Variants in CDH11 observed in about 807,000 individuals in gnomAD.
CDH11 encodes cadherin 11.
A neutral mutation model predicts 67.8 loss-of-function variants in CDH11; 11 were observed. The observed-to-expected ratio is 0.16, with a 90% CI of 0.10 to 0.27. The LOEUF (loss-of-function observed/expected upper bound fraction) is 0.27, where lower values mean the gene tolerates loss of function less well. Among genes scored for constraint, CDH11 ranks in the 10% least tolerant of loss-of-function variants. CDH11 has a pLI of 1.00. For synonymous variants in CDH11, 419 were observed against 400.0 expected, an observed-to-expected ratio of 1.05 and a Z score of -0.57; for missense variants, 847 against 1,031.2, an observed-to-expected ratio of 0.82 and a Z score of 2.45.
chr16:65,061,235 A>C (rs1311271096), intron 1 of CDH11, among the ~76,000 whole-genome samples: 4 of 152,258 alleles, frequency 2.6e-5, no homozygotes, highest in Non-Finnish European at 5.9e-5. Flanking sequence ...TGTTTGTCCC[A>C]GGTCAGTACA....
At position 64,946,164 on chromosome 16, in the gene CDH11, G is replaced by T. The variant is rs139754214; in HGVS notation, c.*1439C>A. Reference sequence around the variant, plus strand: ...TAAACAAAGCTTTTTTAAATGAATCGCCCATTCTCATTAAAACATAAAATG... The same window carrying T: ...TAAACAAAGCTTTTTTAAATGAATCTCCCATTCTCATTAAAACATAAAATG... On this transcript the variant is annotated 3_prime_UTR_variant, in exon 13 of 13. Coordinates refer to ENST00000268603, the MANE Select transcript of CDH11 (RefSeq NM_001797.4). The T allele has an allele frequency of 6.7e-6, 7 of 1,052,510 alleles. No individual in the cohort carries two copies. The African/African-American group carries it at 8.3e-5, about 12-fold the overall frequency. 65.2% of individuals were successfully genotyped at this position (1,052,510 alleles called of 1,614,324 possible). A position where few individuals can be genotyped will look rare whatever the true frequency, so the allele number is the denominator to read the frequency against.
intron 12 of CDH11, chr16:64,948,672 C>A (rs749121210): frequency 6.2e-7 from 1 of 1,610,394 alleles, no homozygotes; most frequent in South Asian, 1.1e-5. Context: ...TAAAGACCCC[C>A]AGAAGACAAA....
At chr16:65,007,140 T>C (rs2073074595) in intron 2 of CDH11, 1 of 152,210 alleles carries the variant, frequency 6.6e-6, no homozygotes, top group Middle Eastern at 3.2e-3. Flanking sequence ...GGTGAAATTA[T>C]AATTTGTAGA....
chr16:65,113,603 G>A (rs1461957706), intron 1 of CDH11, among the ~76,000 whole-genome samples: 2 of 152,148 alleles, frequency 1.3e-5, no homozygotes, highest in Non-Finnish European at 2.9e-5. Flanking sequence ...AAGATGCCAC[G>A]TGGTAAAGCG....
In CDH11 at chr16:65,053,063, G is replaced by A. The variant is rs539919214; in HGVS notation, c.-173+741C>T. ...CTGGACATCTACATGGAGACGAGCC[G>A]TAGGCACTTGGATAAGAAGGTCTAG... On this transcript the variant is annotated intron_variant, in intron 2 of 12. Coordinates refer to ENST00000268603, the MANE Select transcript of CDH11 (RefSeq NM_001797.4). Among the ~76,000 whole-genome samples the A allele has an allele frequency of 8.5e-5, 13 of 152,264 alleles. No homozygotes were observed. In the South Asian group the frequency reaches 1.0e-3, roughly 12 times the overall value.
In CDH11 at chr16:65,005,450, T is replaced by C. The variant is rs550978883; in HGVS notation, c.-172-409A>G. ...GGACAGATGGCTGGACTCAATCCTT[T>C]AGTGAGGTTGCTGTAATAAGAAAGG... On this transcript the variant is annotated intron_variant, in intron 2 of 12. Coordinates refer to ENST00000268603, the MANE Select transcript of CDH11 (RefSeq NM_001797.4). Among the ~76,000 whole-genome samples, 5 of 152,282 alleles carry C rather than the reference T, an allele frequency of 3.3e-5. 1 individual carries two copies. The highest frequency in any genetic ancestry group is 1.2e-4 in the African/African-American group (5 of 41,566).
chr16:64,948,301 A>G (rs2071248713), intron 12 of CDH11, among the ~76,000 whole-genome samples: 1 of 152,216 alleles, frequency 6.6e-6, no homozygotes, highest in Admixed American at 6.5e-5. Context: ...AAATGCTGCC[A>G]TGAAAACATT....
rs571311254 is a variant in CDH11, at chr16:64,958,423, A to G, written c.1643-7405T>C. Among the ~76,000 whole-genome samples the G allele has an allele frequency of 2.0e-5, 3 of 152,300 alleles. No individual in the cohort carries two copies. In the South Asian group the frequency reaches 6.2e-4, roughly 32 times the overall value. On this transcript the variant is annotated intron_variant, in intron 11 of 12. Coordinates refer to ENST00000268603, the MANE Select transcript of CDH11 (RefSeq NM_001797.4). Reference sequence around the variant, plus strand: ...TATTCTGTTATTATTATTTAAATTGAAGCAAATTTAACTAAGCAACATTGA... The same window carrying G: ...TATTCTGTTATTATTATTTAAATTGGAGCAAATTTAACTAAGCAACATTGA...
At chr16:65,100,944 G>A (rs534934921) in intron 1 of CDH11, among the ~76,000 whole-genome samples, 1 of 152,078 alleles carries the variant, frequency 6.6e-6, no homozygotes, top group Admixed American at 6.5e-5. Context: ...TATCAAGGGA[G>A]CAGTTCTGAT....
intron 1 of CDH11, among the ~76,000 whole-genome samples, chr16:65,108,345 C>T (rs2075100696): frequency 6.6e-6 from 1 of 152,114 alleles, no homozygotes; most frequent in Non-Finnish European, 1.5e-5. Flanking sequence ...CAAGAATCAC[C>T]AATGCATTAG....
chr16:65,028,907 G>T (rs2073585014), intron 2 of CDH11, among the ~76,000 whole-genome samples: 1 of 152,114 alleles, frequency 6.6e-6, no homozygotes, highest in Non-Finnish European at 1.5e-5. Flanking sequence ...AGGGTAGAAG[G>T]GTGGTTGCCA....
intron 2 of CDH11, among the ~76,000 whole-genome samples, chr16:65,028,414 T>C (rs1322744866): frequency 6.6e-6 from 1 of 152,022 alleles, no homozygotes; most frequent in African/African-American, 2.4e-5. Flanking sequence ...AGATGGATAT[T>C]TTTTGGACTG....
chr16:65,015,782 A>C (rs2073293701), intron 2 of CDH11, among the ~76,000 whole-genome samples: 1 of 152,198 alleles, frequency 6.6e-6, no homozygotes, highest in Admixed American at 6.5e-5. Flanking sequence ...TGTAAGGTAT[A>C]AACAATGAGA....
chr16:65,042,938 A>G (rs1180637411), intron 2 of CDH11, among the ~76,000 whole-genome samples: 3 of 152,124 alleles, frequency 2.0e-5, no homozygotes, highest in African/African-American at 7.2e-5. Flanking sequence ...CCTTTCAGAC[A>G]CTGCTACTGA....
At position 64,982,128 on chromosome 16, in the gene CDH11, T is replaced by C. The variant is rs750088925; in HGVS notation, c.1173A>G (p.Glu391=). 1 of 1,614,028 alleles carries C rather than the reference T, an allele frequency of 6.2e-7. No individual in the cohort carries two copies. Among genetic ancestry groups the C allele is most frequent in the Non-Finnish European group, 8.5e-7 (1 of 1,179,952 alleles). ...TGCCAGCAGCTGCATTTTCTTGGACTTCGTGGATGTAACTTGGGGCCAAGA... is the reference window on the plus strand; with the variant it reads ...TGCCAGCAGCTGCATTTTCTTGGACCTCGTGGATGTAACTTGGGGCCAAGA... ...PMFLAPSYIH[E]VQENAAAGTV... The change falls in exon 8 of 13, where the codon GAA becomes GAG. Residue 391 remains glutamate, a synonymous_variant. Transcript: ENST00000268603.
At chr16:64,953,790 T>TC (rs1276542159) in intron 11 of CDH11, among the ~76,000 whole-genome samples, 1 of 152,310 alleles carries the variant, frequency 6.6e-6, no homozygotes, top group African/African-American at 2.4e-5. Context: ...ATCTGAAATG[T>TC]CCATGTCATC....
chr16:64,967,688 T>C (rs754981038), intron 11 of CDH11, among the ~76,000 whole-genome samples: 14 of 152,090 alleles, frequency 9.2e-5, no homozygotes, highest in Non-Finnish European at 1.9e-4. Flanking sequence ...CAGTTGCTTT[T>C]CTTTTTTTTT....
intron 4 of CDH11, among the ~76,000 whole-genome samples, chr16:64,998,108 C>T (rs562570082): frequency 3.3e-5 from 5 of 152,276 alleles, no homozygotes; most frequent in African/African-American, 1.2e-4. Flanking sequence ...TGACATAGTG[C>T]TGTGGTTAAA....
rs977607085 is a variant in CDH11 at position 64,964,780 on chromosome 16, C to T, written c.1642+6799G>A. Among the ~76,000 whole-genome samples, 3 of 152,044 alleles carry T rather than the reference C, an allele frequency of 2.0e-5. No individual in the cohort carries two copies. The South Asian group carries it at 6.2e-4, about 32-fold the overall frequency. Reference sequence around the variant, plus strand: ...AGCCAGGATGGTCTCGATTTCCTGACCTCGTGATCCACCCGCCTCGGCCTC... The same window carrying T: ...AGCCAGGATGGTCTCGATTTCCTGATCTCGTGATCCACCCGCCTCGGCCTC... On this transcript the variant is annotated intron_variant, in intron 11 of 12. Coordinates refer to ENST00000268603, the MANE Select transcript of CDH11 (RefSeq NM_001797.4).
Sources: gnomAD v4.1 joint callset for allele counts (sites outside exome capture counted in the v4.1 genomes callset) on GRCh38, gnomAD v4.1.1 for gene constraint, MANE v1.5 for transcripts, NCBI Gene and HGNC (gene_info 2026-07-23, HGNC 2026-07-21) for gene names.